Variants in LRRK1 observed in about 807,000 individuals in gnomAD.
LRRK1 encodes leucine rich repeat kinase 1.
Under a neutral mutation model 209.1 loss-of-function variants are expected in LRRK1, and 113 were observed. The ratio of observed to expected loss-of-function variants is 0.54; its 90% confidence interval spans 0.46 to 0.63. The LOEUF (loss-of-function observed/expected upper bound fraction) is 0.63, where lower values mean the gene tolerates loss of function less well. Ranked by LOEUF, LRRK1 falls within the 30% of genes least tolerant of loss-of-function variation. The probability of loss-of-function intolerance (pLI) is 0.00; values close to 1 mark genes in which losing one functional copy is unlikely to be tolerated. For synonymous variants in LRRK1, 1,144 were observed against 1,099.7 expected, an observed-to-expected ratio of 1.04 and a Z score of -0.80; for missense variants, 2,284 against 2,632.2, an observed-to-expected ratio of 0.87 and a Z score of 2.89.
At chr15:101,021,254 A>G (rs1305090938) in intron 13 of LRRK1, 72 bp downstream of exon 13, 3 of 1,518,386 alleles carry the variant, frequency 2.0e-6, no homozygotes, top group African/African-American at 1.4e-5. Context: ...CCCTAAACCA[A>G]CTGGGACACA....
chr15:100,977,240 G>A (rs1008396462), intron 3 of LRRK1, among the ~76,000 whole-genome samples: 24 of 150,390 alleles, frequency 1.6e-4, no homozygotes, highest in African/African-American at 4.2e-4. Context: ...AAAGCACCAG[G>A]AAAGGAACAG....
intron 2 of LRRK1, among the ~76,000 whole-genome samples, chr15:100,973,180 T>C (rs1157415584): frequency 6.6e-6 from 1 of 152,156 alleles, no homozygotes; most frequent in African/African-American, 2.4e-5. Context: ...CCCGCAAGGC[T>C]GGCCTCTCCT....
chr15:100,935,206 A>G (rs2042279680), intron 2 of LRRK1, among the ~76,000 whole-genome samples: 1 of 152,226 alleles, frequency 6.6e-6, no homozygotes, highest in African/African-American at 2.4e-5. Context: ...GAACAGGGCC[A>G]TGACAGAAAT....
At chr15:101,041,260 G>A (rs946911698) in intron 20 of LRRK1, among the ~76,000 whole-genome samples, 2 of 152,060 alleles carry the variant, frequency 1.3e-5, no homozygotes, top group Non-Finnish European at 2.9e-5. Flanking sequence ...CTAGTAGCAG[G>A]TTATGATCTC....
At chr15:100,954,249 T>C (rs890641474) in intron 2 of LRRK1, among the ~76,000 whole-genome samples, 5 of 152,170 alleles carry the variant, frequency 3.3e-5, no homozygotes, top group Non-Finnish European at 7.4e-5. Flanking sequence ...CCCTGATGAT[T>C]AGACGTGCCG....
At chr15:101,036,954 G>C (rs986625697) in intron 20 of LRRK1, among the ~76,000 whole-genome samples, 2 of 152,222 alleles carry the variant, frequency 1.3e-5, no homozygotes, top group Admixed American at 6.5e-5. Context: ...GTTTTGCTGG[G>C]AACAGGGATG....
intron 6 of LRRK1, among the ~76,000 whole-genome samples, chr15:101,005,213 T>A (rs999196712): frequency 6.6e-6 from 1 of 152,188 alleles, no homozygotes; most frequent in African/African-American, 2.4e-5. Context: ...CTTTTTTGAC[T>A]TGGCATTGCA....
chr15:101,046,165 C>T lies in LRRK1; in HGVS notation c.3135+13C>T, dbSNP rs754866112. The T allele has an allele frequency of 8.7e-6, 14 of 1,613,274 alleles. No individual in the cohort carries two copies. The highest frequency in any genetic ancestry group is 1.6e-4 in the Middle Eastern group (1 of 6,080). The stretch of plus-strand genomic sequence containing the variant: ...GATGGACCTGCAGGTATTATGGCTG[C>T]GGTTTCTGCATAGACAGATGCCCGA... On this transcript the variant is annotated intron_variant, in intron 21 of 33. Coordinates refer to ENST00000388948, the MANE Select transcript of LRRK1 (RefSeq NM_024652.6).
In LRRK1 at chr15:101,048,680, C is replaced by T. The variant is rs568699353; in HGVS notation, c.3299+23C>T. On this transcript the variant is annotated intron_variant, in intron 22 of 33. Transcript: ENST00000388948. Reference sequence around the variant, plus strand: ...CAGGTAGGAACACCTGGAAGCCCACCTGCCAGGTCAGCAGGTGCCACAGCA... The same window carrying T: ...CAGGTAGGAACACCTGGAAGCCCACTTGCCAGGTCAGCAGGTGCCACAGCA... The T allele has an allele frequency of 1.1e-4, 168 of 1,486,212 alleles. 1 individual carries two copies. In the South Asian group the frequency reaches 2.3e-3, roughly 20 times the overall value. 92.1% of individuals were successfully genotyped at this position (1,486,212 alleles called of 1,614,324 possible).
chr15:101,058,985 G>A (rs1434490375), intron 29 of LRRK1, among the ~76,000 whole-genome samples: 1 of 152,126 alleles, frequency 6.6e-6, no homozygotes, highest in East Asian at 1.9e-4. Flanking sequence ...AAGATAAACG[G>A]AACAGACTTC....
rs2032388447 is a variant in LRRK1, at chr15:100,995,972, G to A, written c.762+6574G>A. 3.3e-5 allele frequency among the ~76,000 whole-genome samples: 5 copies of A among 152,228 alleles called. No homozygotes were observed. The South Asian group carries it at 1.0e-3, about 32-fold the overall frequency. On this transcript the variant is annotated intron_variant, in intron 6 of 33. Transcript: ENST00000388948. ...TCCTGGTGCCCCACCCTTCATGTCT[G>A]TGTGTCAGTGCCCTGAGCGCAAGCA...
chr15:100,938,025 AT>A (rs60742125), intron 2 of LRRK1, among the ~76,000 whole-genome samples: 1,835 of 140,124 alleles, frequency 0.013, 16 homozygotes, highest in Middle Eastern at 0.022. Context: ...TAATTTTTGT[AT>A]TTTTTTTTTT....
In LRRK1 at chr15:100,973,816, C is replaced by T. The variant is rs1018256609; in HGVS notation, c.110C>T (p.Thr37Met). The change falls in exon 3 of 34, where the codon ACG (threonine) becomes ATG (methionine). Residue 37 changes from threonine (T) to methionine (M), a missense_variant. Thr to Met is a moderately conservative substitution (Grantham distance 81, BLOSUM62 -1). Around this residue, in one of 6 missense-constraint regions of LRRK1, gnomAD observed 174 missense variants for 133.5 expected, o/e 1.30. Coordinates refer to ENST00000388948, the MANE Select transcript of LRRK1 (RefSeq NM_024652.6). ...AMETLNGAGD[T>M]GGKPSTRGGD... ...TCCTCCCGCGCAGGTGCCGGGGACACGGGCGGCAAGCCGTCCACGCGGGGC... is the reference window on the plus strand; with the variant it reads ...TCCTCCCGCGCAGGTGCCGGGGACATGGGCGGCAAGCCGTCCACGCGGGGC... 10 of 1,291,584 alleles carry T rather than the reference C, an allele frequency of 7.7e-6. No homozygotes were observed. The highest frequency in any genetic ancestry group is 9.8e-6 in the Non-Finnish European group (10 of 1,016,940). The allele number at this position is 1,291,584 out of a possible 1,614,324, so 80.0% of individuals were successfully genotyped here.
chr15:101,002,200 A>G (rs1302965812), intron 6 of LRRK1, among the ~76,000 whole-genome samples: 1 of 152,236 alleles, frequency 6.6e-6, no homozygotes, highest in Non-Finnish European at 1.5e-5. Flanking sequence ...TTTTATGGCT[A>G]ACATCTCCAA....
chr15:100,959,856 C>G (rs1292966453), intron 2 of LRRK1, among the ~76,000 whole-genome samples: 1 of 152,072 alleles, frequency 6.6e-6, no homozygotes, highest in Admixed American at 6.6e-5. Context: ...TTCAGTTCTT[C>G]CTGTAACTGC....
intron 12 of LRRK1, among the ~76,000 whole-genome samples, chr15:101,017,824 TTGCG>T (rs748298687): frequency 2.0e-5 from 3 of 151,938 alleles, no homozygotes; most frequent in Non-Finnish European, 2.9e-5. Flanking sequence ...AAAAGGATGC[TTGCG>T]TGCGTTAATA....
chr15:101,051,216 G>A (rs916320439), intron 23 of LRRK1, among the ~76,000 whole-genome samples: 4 of 152,262 alleles, frequency 2.6e-5, no homozygotes, highest in Admixed American at 2.6e-4. Flanking sequence ...TCCTCTCAGA[G>A]GCGTGGGGGA....
At chr15:101,014,016 A>G (rs1489192350) in intron 10 of LRRK1, among the ~76,000 whole-genome samples, 1 of 152,166 alleles carries the variant, frequency 6.6e-6, no homozygotes, top group Non-Finnish European at 1.5e-5. Flanking sequence ...ACCGGTAATC[A>G]GTACTCTTAA....
chr15:101,010,479 A>G lies in LRRK1; in HGVS notation c.1019A>G (p.Lys340Arg), dbSNP rs1443887829. 1 of 1,611,744 alleles carries G rather than the reference A, an allele frequency of 6.2e-7. No individual in the cohort carries two copies. Among genetic ancestry groups the G allele is most frequent in the Admixed American group, 1.7e-5 (1 of 59,702 alleles). ...CTTGAAATTGACATTTCCAGCAACAAGTTGTCCCACCTCCCTCCTGGATTC... is the reference window on the plus strand; with the variant it reads ...CTTGAAATTGACATTTCCAGCAACAGGTTGTCCCACCTCCCTCCTGGATTC... ...RLLEIDISSN[K>R]LSHLPPGFLH... Residue 340 changes from lysine (K) to arginine (R), a missense_variant, in exon 8 of 34, where the codon AAG becomes AGG. Lys to Arg is a conservative substitution (Grantham distance 26, BLOSUM62 2). Around this residue, in one of 6 missense-constraint regions of LRRK1, gnomAD observed 494 missense variants for 522.1 expected, o/e 0.95. Coordinates refer to ENST00000388948, the MANE Select transcript of LRRK1 (RefSeq NM_024652.6).
Sources: gnomAD v4.1 joint callset for allele counts (sites outside exome capture counted in the v4.1 genomes callset) on GRCh38, gnomAD v4.1.1 for gene constraint, gnomAD v4.1.1 regional missense constraint, MANE v1.5 for transcripts, NCBI Gene and HGNC (gene_info 2026-07-23, HGNC 2026-07-21) for gene names.